MAP4K5: variants seen among roughly 807,000 people sequenced by gnomAD.
The protein encoded by MAP4K5 is mitogen-activated protein kinase kinase kinase kinase 5.
In MAP4K5, 82 loss-of-function variants were observed where a neutral mutation model predicts 135.6. The observed-to-expected ratio is 0.60, with a 90% CI of 0.51 to 0.73. The LOEUF is 0.73. Ranked by LOEUF, MAP4K5 falls within the 30% of genes least tolerant of loss-of-function variation. The pLI is 0.00. For missense variants in MAP4K5, 907 were observed against 1,010.9 expected, an observed-to-expected ratio of 0.90 and a Z score of 1.39; for synonymous variants, 347 against 335.0, an observed-to-expected ratio of 1.04 and a Z score of -0.39.
At chr14:50,526,619 ATATGTTC>A in intron 2 of MAP4K5, among the ~76,000 whole-genome samples, 1 of 152,352 alleles carries the variant, frequency 6.6e-6, no homozygotes, top group South Asian at 2.1e-4. Context: ...TGACTAAACC[ATATGTTC>A]CTTATTGACA....
At chr14:50,483,139 G>A (rs1222948386) in intron 5 of MAP4K5, 2 of 151,968 alleles carry the variant, frequency 1.3e-5, no homozygotes, top group African/African-American at 2.4e-5. Flanking sequence ...ATATTAAAAG[G>A]CATCATATAC....
chr14:50,560,107 TC>T (rs1595579371), intron 1 of MAP4K5: 4 of 796,056 alleles, frequency 5.0e-6, no homozygotes, highest in Non-Finnish European at 8.3e-6. Context: ...TCCCTTTTCC[TC>T]CCCACTCCTT....
At position 50,476,175 on chromosome 14, in the gene MAP4K5, A is replaced by G; in HGVS notation, c.427-5T>C. The stretch of plus-strand genomic sequence containing the variant: ...TGTCAATAAAATATTAGCACCCTAG[A>G]ACAAAAATACAAATACAATTAAATT... On this transcript the variant is annotated splice_region_variant and splice_polypyrimidine_tract_variant and intron_variant, in intron 7 of 32. Coordinates refer to ENST00000682126, the MANE Select transcript of MAP4K5 (RefSeq NM_006575.6). 2 of 1,508,088 alleles carry G rather than the reference A, an allele frequency of 1.3e-6. No homozygotes were observed. The highest frequency in any genetic ancestry group is 1.3e-5 in the South Asian group (1 of 76,678). The allele number at this position is 1,508,088 out of a possible 1,614,324, so 93.4% of individuals were successfully genotyped here.
intron 10 of MAP4K5, among the ~76,000 whole-genome samples, chr14:50,468,038 A>T (rs1236596586): frequency 6.6e-6 from 1 of 152,118 alleles, no homozygotes; most frequent in East Asian, 1.9e-4. Context: ...AAAACTTTTC[A>T]GATGCCCTCA....
chr14:50,513,184 A>G (rs915285891), intron 2 of MAP4K5, among the ~76,000 whole-genome samples: 1 of 152,208 alleles, frequency 6.6e-6, no homozygotes, highest in Non-Finnish European at 1.5e-5. Context: ...TTCCAATTAA[A>G]TTAATTTTCT....
chr14:50,440,788 A>G (rs1356201542), intron 21 of MAP4K5, among the ~76,000 whole-genome samples: 1 of 152,170 alleles, frequency 6.6e-6, no homozygotes, highest in Non-Finnish European at 1.5e-5. Context: ...AATATAAATT[A>G]TAAATCACGA....
rs367769359 is a variant in MAP4K5 at position 50,480,895 on chromosome 14, T to C, written c.378+1466A>G. On this transcript the variant is annotated intron_variant, in intron 6 of 32. Coordinates refer to ENST00000682126, the MANE Select transcript of MAP4K5 (RefSeq NM_006575.6). The stretch of plus-strand genomic sequence containing the variant: ...CTGTGTATCTAAACATATCTAAGCA[T>C]AGAAAAGGTACAGTAAAAATATAGT... Among the ~76,000 whole-genome samples, 175 of 152,240 alleles carry C rather than the reference T, an allele frequency of 1.1e-3. 2 individuals carry two copies. In the South Asian group the frequency reaches 0.033, roughly 29 times the overall value.
At chr14:50,438,345 C>T (rs2036146682) in intron 23 of MAP4K5, 1 of 218,346 alleles carries the variant, frequency 4.6e-6, no homozygotes, top group Non-Finnish European at 9.1e-6. Context: ...CAATGATGTA[C>T]ATGTGATTAT....
intron 9 of MAP4K5, 94 bp from the exon 10 acceptor site, chr14:50,468,876 G>C: frequency 8.4e-7 from 1 of 1,184,500 alleles, no homozygotes; most frequent in Non-Finnish European, 1.2e-6. Flanking sequence ...TTGGAGGGAA[G>C]GAAGCTGAGA....
rs79432710 is a variant in MAP4K5, at chr14:50,482,289, T to C, written c.378+72A>G. The C allele has an allele frequency of 3.8e-3, 3,196 of 835,778 alleles. 64 individuals carry two copies. The African/African-American group carries it at 0.052, about 14-fold the overall frequency. The allele number at this position is 835,778 out of a possible 1,614,324, so 51.8% of individuals were successfully genotyped here. A position where few individuals can be genotyped will look rare whatever the true frequency, so the allele number is the denominator to read the frequency against. Reference sequence around the variant, plus strand: ...TTTATAGTTATCAATTGTCAGGCAATTGCCTTTCTAACTACATTAAGAAAA... The same window carrying C: ...TTTATAGTTATCAATTGTCAGGCAACTGCCTTTCTAACTACATTAAGAAAA... On this transcript the variant is annotated intron_variant, in intron 6 of 32. Coordinates refer to ENST00000682126, the MANE Select transcript of MAP4K5 (RefSeq NM_006575.6).
At chr14:50,505,288 C>A (rs942232555) in intron 2 of MAP4K5, among the ~76,000 whole-genome samples, 1 of 152,072 alleles carries the variant, frequency 6.6e-6, no homozygotes. Context: ...TCCTGGTACA[C>A]ATATGTATAT....
At chr14:50,443,350 G>GA (rs11424973) in intron 20 of MAP4K5, among the ~76,000 whole-genome samples, 146,405 of 152,176 alleles carry the variant, frequency 0.96, 70,665 homozygotes, top group East Asian at 1. Context: ...GACTGGCCAG[G>GA]AAAATGCATT....
At chr14:50,434,340 C>T in intron 28 of MAP4K5, 54 bp downstream of exon 28, 1 of 1,442,074 alleles carries the variant, frequency 6.9e-7, no homozygotes, top group Non-Finnish European at 9.4e-7. Flanking sequence ...TGGTGTTTTG[C>T]TTCTTTTATA....
chr14:50,457,587 T>C (rs2036619124), intron 13 of MAP4K5, among the ~76,000 whole-genome samples: 1 of 152,130 alleles, frequency 6.6e-6, no homozygotes, highest in Non-Finnish European at 1.5e-5. Flanking sequence ...GGAGGATCCA[T>C]TGTTCTAGAC....
intron 9 of MAP4K5, among the ~76,000 whole-genome samples, chr14:50,469,625 A>G (rs546625929): frequency 3.3e-5 from 5 of 152,312 alleles, no homozygotes; most frequent in African/African-American, 9.6e-5. Context: ...AGCAGAGGGA[A>G]CAGAATGAAA....
chr14:50,528,629 G>C (rs1413725430), intron 2 of MAP4K5, among the ~76,000 whole-genome samples: 1 of 152,010 alleles, frequency 6.6e-6, no homozygotes, highest in Non-Finnish European at 1.5e-5. Context: ...AGGCTGAGGA[G>C]AGAGAATCCC....
At chr14:50,492,748 G>T (rs1342559471) in intron 3 of MAP4K5, among the ~76,000 whole-genome samples, 2 of 152,140 alleles carry the variant, frequency 1.3e-5, no homozygotes, top group Non-Finnish European at 2.9e-5. Context: ...TCAGACTCAT[G>T]CCTATCCTAT....
chr14:50,481,863 G>A (rs1337201681), intron 6 of MAP4K5, among the ~76,000 whole-genome samples: 4 of 152,148 alleles, frequency 2.6e-5, no homozygotes, highest in Admixed American at 6.5e-5. Context: ...TAGAACTAGG[G>A]TTTTCAGATA....
intron 2 of MAP4K5, among the ~76,000 whole-genome samples, chr14:50,538,449 G>A (rs2098816094): frequency 6.6e-6 from 1 of 152,322 alleles, no homozygotes; most frequent in Non-Finnish European, 1.5e-5. Flanking sequence ...GTGAAAATTG[G>A]TAGAAGGATT....
Sources: gnomAD v4.1 joint callset for allele counts (sites outside exome capture counted in the v4.1 genomes callset) on GRCh38, gnomAD v4.1.1 for gene constraint, MANE v1.5 for transcripts, NCBI Gene and HGNC (gene_info 2026-07-23, HGNC 2026-07-21) for gene names.